Variants in RPH3AL observed in about 807,000 individuals in gnomAD.
RPH3AL encodes rabphilin 3A like (without C2 domains), also known as rab effector Noc2.
Under a neutral mutation model 43.1 loss-of-function variants are expected in RPH3AL, and 38 were observed. That is an observed-to-expected ratio of 0.88 (90% confidence interval 0.68 to 1.15). RPH3AL has a LOEUF of 1.15. RPH3AL is among the 50% of genes most tolerant of loss of function. The pLI, the probability that RPH3AL is intolerant of heterozygous loss-of-function variation, is 0.00. For missense variants in RPH3AL, 462 were observed against 423.2 expected, an observed-to-expected ratio of 1.09 and a Z score of -0.81; for synonymous variants, 189 against 176.3, an observed-to-expected ratio of 1.07 and a Z score of -0.57.
intron 5 of RPH3AL, among the ~76,000 whole-genome samples, chr17:315,379 GCCCCAC>G (rs2043958170): frequency 2.2e-5 from 3 of 136,378 alleles, no homozygotes. Context: ...TAGTCCCTGT[GCCCCAC>G]CTCCATTGAC....
chr17:282,037 G>A (rs12452629), intron 5 of RPH3AL, among the ~76,000 whole-genome samples, 183 bp from the exon 6 acceptor site: 5,764 of 152,266 alleles, frequency 0.038, 435 homozygotes, highest in East Asian at 0.31. Context: ...GGCTTTGGAC[G>A]TAATGGATGG....
At chr17:313,053 G>A (rs1418520570) in intron 5 of RPH3AL, among the ~76,000 whole-genome samples, 2 of 152,184 alleles carry the variant, frequency 1.3e-5, no homozygotes, top group Admixed American at 6.5e-5. Context: ...TGCTGCTCAG[G>A]GTGGACCAAG....
At chr17:214,025 G>T in intron 9 of RPH3AL, 102 bp from the exon 10 acceptor site, 2 of 858,464 alleles carry the variant, frequency 2.3e-6, no homozygotes, top group Non-Finnish European at 3.7e-6. Flanking sequence ...GAGCTGGTGG[G>T]GAAGGCAGGC....
chr17:303,084 T>C (rs1252269811), intron 5 of RPH3AL, among the ~76,000 whole-genome samples: 1 of 152,188 alleles, frequency 6.6e-6, no homozygotes, highest in Non-Finnish European at 1.5e-5. Context: ...AAGTCTGAGG[T>C]TTACAAAGTT....
chr17:233,542 C>T (rs1042675894), intron 7 of RPH3AL, among the ~76,000 whole-genome samples: 1 of 152,146 alleles, frequency 6.6e-6, no homozygotes, highest in Non-Finnish European at 1.5e-5. Flanking sequence ...GTTAGGAGTA[C>T]AGTCACACAG....
rs868968478 is a variant in RPH3AL, at chr17:255,942, A to G, written c.439-8657T>C. 5.2e-3 allele frequency among the ~76,000 whole-genome samples: 81 copies of G among 15,502 alleles called. 1 individual carries two copies. The highest frequency in any genetic ancestry group is 0.012 in the African/African-American group (42 of 3,496). The allele number at this position is 15,502 out of a possible 152,430, so 10.2% of individuals were successfully genotyped here. On this transcript the variant is annotated intron_variant, in intron 6 of 9. Transcript: ENST00000331302. Reference sequence around the variant, plus strand: ...AGCCGCACGGCGTCTGTCCTTTTCCATCCCTAGGAATATGACTACCCTACG... The same window carrying G: ...AGCCGCACGGCGTCTGTCCTTTTCCGTCCCTAGGAATATGACTACCCTACG...
chr17:240,813 A>G (rs914737221), intron 7 of RPH3AL, among the ~76,000 whole-genome samples: 1 of 152,134 alleles, frequency 6.6e-6, no homozygotes, highest in African/African-American at 2.4e-5. Context: ...TAATCCCAGC[A>G]ATTTGGGAGG....
chr17:217,162 C>T (rs954029047), intron 8 of RPH3AL, among the ~76,000 whole-genome samples: 12 of 139,622 alleles, frequency 8.6e-5, no homozygotes, highest in Non-Finnish European at 1.2e-4. Flanking sequence ...GCAGTTATTA[C>T]AGAGCCCTTC....
chr17:237,726 C>T (rs895940793), intron 7 of RPH3AL, among the ~76,000 whole-genome samples: 5 of 152,230 alleles, frequency 3.3e-5, no homozygotes, highest in Admixed American at 3.3e-4. Context: ...CCCAGGATCC[C>T]AGGCCGAGGT....
In RPH3AL at chr17:299,288, G is replaced by A. The variant is rs115604024; in HGVS notation, c.352-17434C>T. On this transcript the variant is annotated intron_variant, in intron 5 of 9. Coordinates refer to ENST00000331302, the MANE Select transcript of RPH3AL (RefSeq NM_006987.4). ...TGTCTGAGCCTGTATGTGGTTCCTG[G>A]GCAGAAGGGTCTCACCCTTCTCTGC... Among the ~76,000 whole-genome samples, 522 of 117,370 alleles carry A rather than the reference G, an allele frequency of 4.4e-3. 2 individuals carry two copies. Among genetic ancestry groups the A allele is most frequent in the African/African-American group, 0.013 (440 of 32,600 alleles). The allele number at this position is 117,370 out of a possible 152,430, so 77.0% of individuals were successfully genotyped here. A position where few individuals can be genotyped will look rare whatever the true frequency, so the allele number is the denominator to read the frequency against.
At chr17:307,331 ACGGCAGG>A (rs2043524904) in intron 5 of RPH3AL, among the ~76,000 whole-genome samples, 2 of 42,774 alleles carry the variant, frequency 4.7e-5, no homozygotes, top group African/African-American at 1.5e-4. Context: ...GGTCCTCCCC[ACGGCAGG>A]TCCTCCCCGC....
At position 216,531 on chromosome 17, in the gene RPH3AL, C is replaced by T. The variant is rs1240672083; in HGVS notation, c.728-729G>A. Among the ~76,000 whole-genome samples, 9 of 152,090 alleles carry T rather than the reference C, an allele frequency of 5.9e-5. 1 individual carries two copies. In the South Asian group the frequency reaches 1.0e-3, roughly 18 times the overall value. On this transcript the variant is annotated intron_variant, in intron 8 of 9. Coordinates refer to ENST00000331302, the MANE Select transcript of RPH3AL (RefSeq NM_006987.4). The stretch of plus-strand genomic sequence containing the variant: ...GAGCCTGCTACTTTGCTGAACTTCT[C>T]TTGTCTCCCAGTCCTGCTTGGTCAG...
At chr17:241,711 C>CTTTTTTTTTTTTTTTTTTTTTTTTTTTT (rs1001979455) in intron 7 of RPH3AL, among the ~76,000 whole-genome samples, 3 of 92,790 alleles carry the variant, frequency 3.2e-5, no homozygotes, top group South Asian at 4.4e-4. Flanking sequence ...GTTTCTTTTT[C>CTTTTTTTTTTTTTTTTTTTTTTTTTTTT]TTTTTTTTTC....
chr17:264,211 C>G lies in RPH3AL; in HGVS notation c.439-16926G>C, dbSNP rs2042265815. Among the ~76,000 whole-genome samples the G allele has an allele frequency of 6.6e-6, 1 of 152,208 alleles. No homozygotes were observed. Among genetic ancestry groups the G allele is most frequent in the Non-Finnish European group, 1.5e-5 (1 of 68,044 alleles). On this transcript the variant is annotated intron_variant, in intron 6 of 9. Transcript: ENST00000331302. This position sits in a 1 kb window ranked among gnomAD's most constrained non-coding sequence, Gnocchi z 4.8. ...TTTCTGCCGGAAATGCCATCTGTCA[C>G]TCAAACCCGAATAGAACCACCCTAC...
rs745503763 is a variant in RPH3AL, at chr17:213,856, C to T, written c.944G>A (p.Gly315Asp). ...CTGTTCCAGGCACCAGACACCTCAG[C>T]CCAGGCAGCTGGAGGGGCCTGCTGG... ...AAPAGPSSCL[G>D] is the part of the protein sequence containing the mutation. The change falls in exon 10 of 10, where the codon GGC becomes GAC. Residue 315 changes from glycine to aspartate, a missense_variant. Gly to Asp is a moderately conservative substitution (Grantham distance 94, BLOSUM62 -1). Coordinates refer to ENST00000331302, the MANE Select transcript of RPH3AL (RefSeq NM_006987.4). 1 of 1,613,218 alleles carries T rather than the reference C, an allele frequency of 6.2e-7. No individual in the cohort carries two copies. The highest frequency in any genetic ancestry group is 1.7e-5 in the Admixed American group (1 of 60,014).
intron 1 of RPH3AL, among the ~76,000 whole-genome samples, chr17:350,493 C>G (rs1567544466): frequency 6.6e-6 from 1 of 152,248 alleles, no homozygotes; most frequent in African/African-American, 2.4e-5. Context: ...TGCCTGTAAT[C>G]CCAGCTACTC....
At chr17:291,079 T>C (rs1256230216) in intron 5 of RPH3AL, among the ~76,000 whole-genome samples, 1 of 152,248 alleles carries the variant, frequency 6.6e-6, no homozygotes, top group Non-Finnish European at 1.5e-5. Flanking sequence ...TACGCTGTGC[T>C]GTGGAGATGA....
chr17:224,803 T>C (rs1003282741), intron 7 of RPH3AL, among the ~76,000 whole-genome samples: 1 of 152,158 alleles, frequency 6.6e-6, no homozygotes, highest in Non-Finnish European at 1.5e-5. Flanking sequence ...GATGAGTTCA[T>C]GTCCTTTGTA....
At chr17:272,788 A>ACACACC (rs931177597) in intron 6 of RPH3AL, among the ~76,000 whole-genome samples, 18 of 150,888 alleles carry the variant, frequency 1.2e-4, no homozygotes, top group Non-Finnish European at 2.4e-4. Context: ...ACACACACAC[A>ACACACC]CCAAAAAACC....
Sources: gnomAD v4.1 joint callset for allele counts (sites outside exome capture counted in the v4.1 genomes callset) on GRCh38, gnomAD v4.1.1 for gene constraint, Gnocchi (gnomAD v3.1) non-coding constraint, MANE v1.5 for transcripts, NCBI Gene and HGNC (gene_info 2026-07-23, HGNC 2026-07-21) for gene names.